Variants in ZNF582 observed in about 807,000 individuals in gnomAD.
ZNF582 encodes zinc finger protein 582.
In ZNF582, 14 loss-of-function variants were observed where a neutral mutation model predicts 12.3. That is an observed-to-expected ratio of 1.14 (90% confidence interval 0.75 to 1.78). ZNF582 has a LOEUF of 1.78. Among genes scored for constraint, ZNF582 ranks in the 40% most tolerant of loss-of-function variants. The pLI is 0.00. For synonymous variants in ZNF582, 210 were observed against 207.2 expected (o/e 1.01, Z -0.11); for missense variants, 567 against 616.5 (o/e 0.92, Z 0.85).
At chr19:56,391,088 A>G (rs2215410) in intron 2 of ZNF582, among the ~76,000 whole-genome samples, 127,613 of 152,142 alleles carry the variant, frequency 0.84, 53,865 homozygotes, top group East Asian at 0.94. Context: ...CAAGTGAAAC[A>G]ACTGACTCAA....
In ZNF582 at chr19:56,390,470, A is replaced by T. The variant is rs376251327; in HGVS notation, c.41T>A (p.Val14Asp). ...CCACTGCCATTCTTCTTGGGAGAAG[A>T]CTATGGCCACATCCCTGAACAATTC... The change falls in exon 3 of 5, where the codon GTC becomes GAC. Residue 14 changes from valine to aspartate, a missense_variant. By Grantham distance (152) the Val-to-Asp change is radical. Transcript: ENST00000586929. 1.2e-5 allele frequency: 20 copies of T among 1,614,048 alleles called. No homozygotes were observed. The highest frequency in any genetic ancestry group is 8.0e-5 in the African/African-American group (6 of 74,902).
chr19:56,385,333 G>A (rs2041957624), intron 4 of ZNF582, 149 bp from the exon 5 acceptor site: 2 of 797,494 alleles, frequency 2.5e-6, no homozygotes, highest in Non-Finnish European at 1.9e-6. Flanking sequence ...ACAGTGAAAG[G>A]AAAATAACAT....
At chr19:56,391,794 T>G in exon 2 of ZNF582, 1 of 1,614,162 alleles carries the variant, frequency 6.2e-7, no homozygotes. Context: ...TCCTTCTGGT[T>G]CCTCTCTTGG....
exon 5 of ZNF582, chr19:56,384,364 G>A (rs1600324646): frequency 6.2e-7 from 1 of 1,611,856 alleles, no homozygotes; most frequent in African/African-American, 1.3e-5. Context: ...TAAGAGTTGA[G>A]CCTTGATTAA....
chr19:56,385,231 G>A, intron 4 of ZNF582, 47 bp from the exon 5 acceptor site: 1 of 1,476,414 alleles, frequency 6.8e-7, no homozygotes, highest in Non-Finnish European at 9.0e-7. Flanking sequence ...TTTTTTTCCA[G>A]ATAAAGGAAC....
chr19:56,391,885 G>T, intron 1 of ZNF582, 53 bp from the exon 2 acceptor site: 1 of 1,523,906 alleles, frequency 6.6e-7, no homozygotes, highest in Non-Finnish European at 9.0e-7. Flanking sequence ...ACAGTTCCTA[G>T]AATGCCAAGT....
chr19:56,393,073 C>CG, intron 1 of ZNF582, 147 bp downstream of exon 1: 1 of 577,182 alleles, frequency 1.7e-6, no homozygotes, highest in Non-Finnish European at 2.7e-6. Flanking sequence ...TCTAAACTAG[C>CG]GGTTCTAAGT....
Position 56,384,232 on chromosome 19 carries a change from G to C in ZNF582, c.1185C>G (p.Tyr395Ter). The change falls in exon 5 of 5, where the codon TAC (tyrosine) becomes TAG (stop). Residue 395 changes from tyrosine to a stop codon, truncating the protein, a stop_gained. Coordinates refer to ENST00000586929, the Ensembl canonical transcript of ZNF582. LOFTEE classifies it low-confidence loss of function (END_TRUNC). ...AGGCCCTACCACATACCTTACATTGGTAGGGTTTCTCTCCAGTGTGAATTC... is the reference window on the plus strand; with the variant it reads ...AGGCCCTACCACATACCTTACATTGCTAGGGTTTCTCTCCAGTGTGAATTC... The C allele has an allele frequency of 6.2e-7, 1 of 1,613,258 alleles. No homozygotes were observed.
chr19:56,388,325 C>A (rs1271664855), intron 4 of ZNF582: 1 of 152,170 alleles, frequency 6.6e-6, no homozygotes, highest in Non-Finnish European at 1.5e-5. Context: ...ACTATTAATC[C>A]ATATGATATA....
exon 5 of ZNF582, chr19:56,385,026 G>C: frequency 6.2e-7 from 1 of 1,614,066 alleles, no homozygotes; most frequent in Non-Finnish European, 8.5e-7. Context: ...TTTCCCTGTT[G>C]TCTGTCAAAC....
Position 56,393,451 on chromosome 19 carries a change from C to T in ZNF582, c.-312G>A, listed in dbSNP as rs761480545. 61 of 528,104 alleles carry T rather than the reference C, an allele frequency of 1.2e-4. No homozygotes were observed. The Admixed American group carries it at 1.2e-3, about 10-fold the overall frequency. 32.7% of individuals were successfully genotyped at this position (528,104 alleles called of 1,614,324 possible). A position where few individuals can be genotyped will look rare whatever the true frequency, so the allele number is the denominator to read the frequency against. On this transcript the variant is annotated 5_prime_UTR_variant, in exon 1 of 5. Coordinates refer to ENST00000586929, the Ensembl canonical transcript of ZNF582. ...CTCCGGAACCTCTCACCTGCCGCCT[C>T]CTCGGGTCCAAGTGCCACCGCGGCC...
chr19:56,389,501 A>G (rs2041997879), intron 4 of ZNF582, among the ~76,000 whole-genome samples: 2 of 152,138 alleles, frequency 1.3e-5, no homozygotes, highest in African/African-American at 4.8e-5. Context: ...AGAGCGGGAC[A>G]ACACACATGG....
chr19:56,391,059 T>C (rs2042010373), intron 2 of ZNF582, among the ~76,000 whole-genome samples: 2 of 152,210 alleles, frequency 1.3e-5, no homozygotes, highest in Admixed American at 1.3e-4. Context: ...TAACTTTTAT[T>C]GAGTGCACAA....
exon 5 of ZNF582, chr19:56,384,187 A>G: frequency 1.2e-6 from 2 of 1,610,060 alleles, no homozygotes. Flanking sequence ...AATGTACAGT[A>G]AGATGTGAGA....
intron 2 of ZNF582, 29 bp from the exon 3 acceptor site, chr19:56,390,530 T>C (rs766717166): frequency 3.7e-6 from 6 of 1,613,070 alleles, no homozygotes; most frequent in Non-Finnish European, 5.1e-6. Context: ...ATGATATATA[T>C]GTATTTCAAT....
intron 4 of ZNF582, chr19:56,388,330 G>A (rs2041985568): frequency 6.6e-6 from 1 of 152,172 alleles, no homozygotes; most frequent in South Asian, 2.1e-4. Flanking sequence ...TAATCCATAT[G>A]ATATAAATGA....
exon 5 of ZNF582, chr19:56,385,069 T>C (rs1432833256): frequency 6.2e-7 from 1 of 1,614,146 alleles, no homozygotes; most frequent in Admixed American, 1.7e-5. Context: ...CTTGGAAACT[T>C]GAACACTCAA....
Position 56,389,987 on chromosome 19 carries a change from G to A in ZNF582, c.232+14C>T. 3 of 1,610,520 alleles carry A rather than the reference G, an allele frequency of 1.9e-6. No homozygotes were observed. The stretch of plus-strand genomic sequence containing the variant: ...CTGCAGTGGCTGCTCCCTTCCCAAT[G>A]ATACCTCACTCACCTGGACACAGGC... On this transcript the variant is annotated intron_variant, in intron 4 of 4. Transcript: ENST00000586929.
exon 5 of ZNF582, chr19:56,385,118 G>A (rs748357911): frequency 6.2e-7 from 1 of 1,613,284 alleles, no homozygotes. Context: ...CTCCCATTGG[G>A]GTGATTCGAC....
Sources: gnomAD v4.1 joint callset for allele counts (sites outside exome capture counted in the v4.1 genomes callset) on GRCh38, gnomAD v4.1.1 for gene constraint, MANE v1.5 for transcripts, NCBI Gene and HGNC (gene_info 2026-07-23, HGNC 2026-07-21) for gene names.